MROH9: variants seen among roughly 807,000 people sequenced by gnomAD.
MROH9 encodes the protein maestro heat like repeat family member 9, also known as maestro heat-like repeat-containing protein family member 9.
In MROH9, 92 loss-of-function variants were observed where a neutral mutation model predicts 98.2. That is an observed-to-expected ratio of 0.94 (90% CI 0.79 to 1.11). The LOEUF (loss-of-function observed/expected upper bound fraction) is 1.11, where lower values mean the gene tolerates loss of function less well. Among genes scored for constraint, MROH9 ranks in the 50% most tolerant of loss-of-function variants. The pLI is 0.00. For synonymous variants in MROH9, 397 were observed against 368.9 expected (o/e 1.08, Z -0.87); for missense variants, 1,057 against 1,014.8 (o/e 1.04, Z -0.57).
In MROH9 at chr1:170,935,566, A is replaced by T. The variant is rs1648840997; in HGVS notation, c.-59A>T. ...CTCTTCACTACTTTGTCTCACCGTG[A>T]TTACAGAGAAGTTACAAATATGTAA... is the stretch of plus-strand genomic sequence containing the variant. On this transcript the variant is annotated 5_prime_UTR_variant, in exon 1 of 22. Transcript: ENST00000367759. 3 of 152,228 alleles carry T rather than the reference A, an allele frequency of 2.0e-5. No homozygotes were observed. In the South Asian group the frequency reaches 6.2e-4, roughly 31 times the overall value. 9.4% of individuals were successfully genotyped at this position (152,228 alleles called of 1,614,324 possible).
chr1:171,054,144 T>C (rs979113758), intron 20 of MROH9, among the ~76,000 whole-genome samples: 1 of 152,212 alleles, frequency 6.6e-6, no homozygotes, highest in East Asian at 1.9e-4. Flanking sequence ...CAAAGATCAA[T>C]TGGATTTCTA....
intron 11 of MROH9, among the ~76,000 whole-genome samples, chr1:170,991,160 G>A (rs1361481013): frequency 6.6e-6 from 1 of 152,138 alleles, no homozygotes; most frequent in African/African-American, 2.4e-5. Flanking sequence ...CAGAAAGCAG[G>A]CATAATTTGT....
At position 170,965,249 on chromosome 1, in the gene MROH9, A is replaced by C; in HGVS notation, c.474A>C (p.Arg158Ser). The C allele has an allele frequency of 6.3e-7, 1 of 1,599,004 alleles. No homozygotes were observed. ...TAAGATTTACAGTCACAAAAGTCAG[A>C]AAATACGTAAGTCACAGAATATAAC... ...KVLRFTVTKVRKYISVDAPCL... is the reference protein window; with the variant it reads ...KVLRFTVTKVSKYISVDAPCL... The change falls in exon 7 of 22, where the codon AGA becomes AGC. Residue 158 changes from arginine to serine, a missense_variant. Physicochemically the swap from Arg to Ser is moderately radical, Grantham distance 110. Coordinates refer to ENST00000367759, the MANE Select transcript of MROH9 (RefSeq NM_001163629.2).
At chr1:171,061,026 A>G (rs1371634208) in intron 20 of MROH9, among the ~76,000 whole-genome samples, 1 of 152,226 alleles carries the variant, frequency 6.6e-6, no homozygotes, top group Admixed American at 6.5e-5. Context: ...ACAAGTAACT[A>G]AGAAAAAGAT....
At chr1:171,030,441 C>A (rs576882202) in intron 20 of MROH9, among the ~76,000 whole-genome samples, 15 of 152,242 alleles carry the variant, frequency 9.9e-5, no homozygotes, top group Middle Eastern at 3.4e-3. Flanking sequence ...ATAAATTTCC[C>A]TCTTAACACT....
chr1:170,960,406 A>T (rs1368943227), intron 5 of MROH9, among the ~76,000 whole-genome samples: 1 of 152,168 alleles, frequency 6.6e-6, no homozygotes, highest in Non-Finnish European at 1.5e-5. Flanking sequence ...TCTTCTTCCA[A>T]TACTAGAAAG....
rs1487466047 is a variant in MROH9, at chr1:171,014,128, C to G, written c.1608C>G (p.Asn536Lys). 1.9e-6 allele frequency: 3 copies of G among 1,550,276 alleles called. No homozygotes were observed. In the South Asian group the frequency reaches 3.6e-5, roughly 18 times the overall value. Reference protein sequence around the residue: ...VLIFLTELLNNFFKDPLPEEF... With the variant: ...VLIFLTELLNKFFKDPLPEEF... ...CTATTTTCTTTCAGCTTCTGAATAA[C>G]TTCTTCAAGGACCCTTTACCAGAAG... Residue 536 changes from asparagine to lysine, a missense_variant, in exon 16 of 22, where the codon AAC (asparagine) becomes AAG (lysine). Physicochemically the swap from Asn to Lys is moderately conservative, Grantham distance 94 (BLOSUM62 0). Transcript: ENST00000367759.
Position 170,983,544 on chromosome 1 carries a change from C to T in MROH9, c.729+10C>T, listed in dbSNP as rs115503255. 5,227 of 1,526,104 alleles carry T rather than the reference C, an allele frequency of 3.4e-3. 168 individuals carry two copies. The African/African-American group carries it at 0.062, about 18-fold the overall frequency. The allele number at this position is 1,526,104 out of a possible 1,614,324, so 94.5% of individuals were successfully genotyped here. Reference sequence around the variant, plus strand: ...AAGTAAAATAGCTCAGGTAACTTAGCCCCCACTTTTTCCGAGGGCTTTTGT... The same window carrying T: ...AAGTAAAATAGCTCAGGTAACTTAGTCCCCACTTTTTCCGAGGGCTTTTGT... On this transcript the variant is annotated intron_variant, in intron 9 of 21. Coordinates refer to ENST00000367759, the MANE Select transcript of MROH9 (RefSeq NM_001163629.2).
intron 13 of MROH9, 64 bp from the exon 14 acceptor site, chr1:170,996,443 A>G (rs1651567807): frequency 1.3e-6 from 2 of 1,566,822 alleles, no homozygotes; most frequent in African/African-American, 1.4e-5. Flanking sequence ...AAGGCAGGTA[A>G]TGTGTATTTA....
chr1:170,947,654 T>A (rs914690327), intron 3 of MROH9, 81 bp downstream of exon 3: 9 of 1,241,960 alleles, frequency 7.2e-6, no homozygotes, highest in East Asian at 7.1e-5. Context: ...ATTACAAGGA[T>A]GTTACAAGTA....
Position 170,973,055 on chromosome 1 carries a change from C to G in MROH9, c.616+1172C>G, listed in dbSNP as rs560751813. ...GACAGAAATGGGAGTCCAGAGAGGT[C>G]AATAGCTAGGGTTGAAAGGCCAGGG... On this transcript the variant is annotated intron_variant, in intron 8 of 21. Transcript: ENST00000367759. Among the ~76,000 whole-genome samples, 29 of 151,582 alleles carry G rather than the reference C, an allele frequency of 1.9e-4. No homozygotes were observed. The South Asian group carries it at 5.7e-3, about 30-fold the overall frequency.
At chr1:171,035,222 TATA>T (rs757511494) in intron 20 of MROH9, among the ~76,000 whole-genome samples, 15 of 151,778 alleles carry the variant, frequency 9.9e-5, no homozygotes, top group Non-Finnish European at 1.6e-4. Flanking sequence ...ATATATTAAT[TATA>T]ATAACTTAGA....
At chr1:170,999,694 G>A (rs1651721012) in intron 15 of MROH9, among the ~76,000 whole-genome samples, 1 of 152,098 alleles carries the variant, frequency 6.6e-6, no homozygotes, top group African/African-American at 2.4e-5. Flanking sequence ...TAGATATCCA[G>A]TAGTGAGATT....
intron 1 of MROH9, among the ~76,000 whole-genome samples, chr1:170,939,292 A>G (rs1649023893): frequency 6.6e-6 from 1 of 152,194 alleles, no homozygotes; most frequent in African/African-American, 2.4e-5. Context: ...TCTCCTTCCA[A>G]TCAAAGTAAA....
chr1:171,039,025 A>T (rs1383920695), intron 20 of MROH9, among the ~76,000 whole-genome samples: 1 of 152,106 alleles, frequency 6.6e-6, no homozygotes, highest in Non-Finnish European at 1.5e-5. Flanking sequence ...CTTGTGGATG[A>T]AGCCTGTACT....
chr1:170,963,046 A>T (rs546687793), intron 6 of MROH9, among the ~76,000 whole-genome samples: 17 of 152,088 alleles, frequency 1.1e-4, no homozygotes, highest in Non-Finnish European at 2.1e-4. Flanking sequence ...GAGTAAACAG[A>T]CAACCTACAG....
At chr1:171,058,509 C>A (rs1653918212) in intron 20 of MROH9, among the ~76,000 whole-genome samples, 1 of 152,002 alleles carries the variant, frequency 6.6e-6, no homozygotes, top group African/African-American at 2.4e-5. Context: ...AGTTTCATTT[C>A]ATATATGATC....
chr1:171,059,262 T>G (rs1653942862), intron 20 of MROH9, among the ~76,000 whole-genome samples: 2 of 152,088 alleles, frequency 1.3e-5, no homozygotes, highest in African/African-American at 4.8e-5. Flanking sequence ...AAAAGAAGAC[T>G]TTTACATGGC....
At chr1:171,029,623 C>T (rs1187156123) in intron 20 of MROH9, among the ~76,000 whole-genome samples, 1 of 152,178 alleles carries the variant, frequency 6.6e-6, no homozygotes, top group East Asian at 1.9e-4. Context: ...TTGAATCAGC[C>T]TTGCATCGCA....
Sources: allele counts gnomAD v4.1 joint callset (sites outside exome capture counted in the v4.1 genomes callset), GRCh38; gene constraint gnomAD v4.1.1; transcripts MANE v1.5; gene names NCBI Gene and HGNC (gene_info 2026-07-23, HGNC 2026-07-21).